Variants in RFX7 observed in about 807,000 individuals in gnomAD.
RFX7 encodes the protein regulatory factor X7.
RFX7 carries 26 observed loss-of-function variants against 111.8 expected under a neutral mutation model. The ratio of observed to expected loss-of-function variants is 0.23; its 90% CI spans 0.17 to 0.32. The LOEUF (loss-of-function observed/expected upper bound fraction) is 0.32. RFX7 is among the 10% of genes least tolerant of loss of function. The pLI, the probability that RFX7 is intolerant of heterozygous loss-of-function variation, is 1.00. For missense variants in RFX7, 1,573 were observed against 1,772.9 expected, an observed-to-expected ratio of 0.89 and a Z score of 2.02; for synonymous variants, 624 against 624.4, an observed-to-expected ratio of 1.00 and a Z score of 0.01.
At chr15:56,179,801 CA>C (rs2042947700) in intron 2 of RFX7, among the ~76,000 whole-genome samples, 1 of 121,548 alleles carries the variant, frequency 8.2e-6, no homozygotes, top group Non-Finnish European at 1.9e-5. Context: ...CACACACACA[CA>C]CACACACACA....
intron 2 of RFX7, among the ~76,000 whole-genome samples, chr15:56,215,019 C>T (rs1027902879): frequency 1.3e-5 from 2 of 152,160 alleles, no homozygotes; most frequent in African/African-American, 4.8e-5. Flanking sequence ...TTAACTACAA[C>T]TTTTTCACTA....
chr15:56,134,849 G>A (rs1476135960), intron 5 of RFX7, among the ~76,000 whole-genome samples: 1 of 151,942 alleles, frequency 6.6e-6, no homozygotes, highest in Non-Finnish European at 1.5e-5. Flanking sequence ...CCACCTATGA[G>A]TGAGAATATG....
intron 2 of RFX7, among the ~76,000 whole-genome samples, chr15:56,230,262 G>A (rs16976831): frequency 0.13 from 19,833 of 152,200 alleles, 1,696 homozygotes; most frequent in East Asian, 0.44. Context: ...TGAACCATGT[G>A]GTAGTCATCT....
chr15:56,094,882 G>A lies in RFX7; in HGVS notation c.2846C>T (p.Thr949Ile). ...HSNGTPIHTP[T>I]PTPTPTPTPT... Reference sequence around the variant, plus strand: ...AGTAGGAGTGGGTGTGGGTGTGGGTGTGGGTGTGTGGATTGGAGTGCCATT... The same window carrying A: ...AGTAGGAGTGGGTGTGGGTGTGGGTATGGGTGTGTGGATTGGAGTGCCATT... Residue 949 changes from threonine (T) to isoleucine (I), a missense_variant, in exon 10 of 10, where the codon ACA becomes ATA. Thr to Ile is a moderately conservative substitution (Grantham distance 89, BLOSUM62 -1). This residue lies in a region of RFX7 where 625 missense variants were observed against 632.2 expected (regional missense o/e 0.99). Coordinates refer to ENST00000559447, the MANE Select transcript of RFX7 (RefSeq NM_022841.7). 1 of 1,558,898 alleles carries A rather than the reference G, an allele frequency of 6.4e-7. No individual in the cohort carries two copies. Among genetic ancestry groups the A allele is most frequent in the Non-Finnish European group, 8.7e-7 (1 of 1,151,814 alleles).
At chr15:56,206,347 T>C (rs1359137699) in intron 2 of RFX7, among the ~76,000 whole-genome samples, 2 of 151,924 alleles carry the variant, frequency 1.3e-5, no homozygotes, top group African/African-American at 4.8e-5. Context: ...AGAAAAACAA[T>C]AACAAATGCT....
chr15:56,147,110 G>T (rs749326040), intron 3 of RFX7, among the ~76,000 whole-genome samples: 1 of 152,044 alleles, frequency 6.6e-6, no homozygotes, highest in African/African-American at 2.4e-5. Flanking sequence ...AGAATTAAAA[G>T]TTTTCTGTTC....
At chr15:56,208,417 T>A (rs1343809270) in intron 2 of RFX7, among the ~76,000 whole-genome samples, 7 of 152,092 alleles carry the variant, frequency 4.6e-5, no homozygotes, top group African/African-American at 1.7e-4. Flanking sequence ...CAAGATAACA[T>A]TATAGAATGC....
intron 3 of RFX7, among the ~76,000 whole-genome samples, chr15:56,176,820 T>G (rs1207311754): frequency 1.3e-5 from 2 of 152,054 alleles, no homozygotes; most frequent in African/African-American, 2.4e-5. Context: ...AATCTTCCAT[T>G]GCCATCATCT....
chr15:56,098,202 G>C lies in RFX7; in HGVS notation c.986C>G (p.Ala329Gly). 1 of 1,613,938 alleles carries C rather than the reference G, an allele frequency of 6.2e-7. No homozygotes were observed. The highest frequency in any genetic ancestry group is 1.6e-4 in the Middle Eastern group (1 of 6,062). The stretch of plus-strand genomic sequence containing the variant: ...TGTAGCACTTTCTGACTTTTTTGCT[G>C]CAGATTCTCCTGGCAAAGGGGATTG... The part of the protein sequence containing the change: ...KLQSPLPGES[A>G]AKKSESATSN... The change falls in exon 9 of 10, where the codon GCA becomes GGA. Residue 329 changes from alanine to glycine, a missense_variant. Ala to Gly is a moderately conservative substitution (Grantham distance 60). Transcript: ENST00000559447.
chr15:56,095,461 A>G lies in RFX7; in HGVS notation c.2267T>C (p.Ile756Thr), dbSNP rs754497736. The G allele has an allele frequency of 3.1e-6, 5 of 1,612,276 alleles. No individual in the cohort carries two copies. Among genetic ancestry groups the G allele is most frequent in the Admixed American group, 1.7e-5 (1 of 60,010 alleles). The change falls in exon 10 of 10, where the codon ATA becomes ACA. Residue 756 changes from isoleucine (I) to threonine (T), a missense_variant. Transcript: ENST00000559447. ...QQTTPSSSPD[I>T]KVKLEGSVFL... The stretch of plus-strand genomic sequence containing the variant: ...GACACTTCCTTCAAGTTTTACTTTT[A>G]TATCTGGAGATGATGATGGGGTTGT...
intron 4 of RFX7, 113 bp downstream of exon 4, chr15:56,144,288 A>C (rs565932587): frequency 6.4e-6 from 2 of 310,152 alleles, no homozygotes; most frequent in South Asian, 9.3e-5. Context: ...ATGTTTTCTA[A>C]TCATTTCAGG....
In RFX7 at chr15:56,094,756, T is replaced by C. The variant is rs753203278; in HGVS notation, c.2972A>G (p.Asp991Gly). 1.2e-6 allele frequency: 2 copies of C among 1,613,282 alleles called. No individual in the cohort carries two copies. Among genetic ancestry groups the C allele is most frequent in the South Asian group, 1.1e-5 (1 of 90,936 alleles). ...ATGTCGGCTACTTCCTAAAGCACTA[T>C]CCACAGGTGTAGTCTGGGCTAGCCT... The part of the protein sequence containing the change: ...CSRLAQTTPV[D>G]SALGSSRHTP... The change falls in exon 10 of 10, where the codon GAT becomes GGT. Residue 991 changes from aspartate to glycine, a missense_variant. Transcript: ENST00000559447.
In RFX7 at chr15:56,089,963, C is replaced by A. The variant is rs2041575980; in HGVS notation, c.*3382G>T. 6.6e-6 allele frequency: 1 copy of A among 152,144 alleles called. No homozygotes were observed. The allele number at this position is 152,144 out of a possible 1,614,324, so 9.4% of individuals were successfully genotyped here. On this transcript the variant is annotated 3_prime_UTR_variant, in exon 10 of 10. Transcript: ENST00000559447. ...TGTCTACAATATATAGTCCCTGGCACTGGTTGTTGTTGCTTCTCAGTTTCA... is the reference window on the plus strand; with the variant it reads ...TGTCTACAATATATAGTCCCTGGCAATGGTTGTTGTTGCTTCTCAGTTTCA...
chr15:56,241,273 C>G (rs553169671), intron 2 of RFX7, among the ~76,000 whole-genome samples: 1 of 151,928 alleles, frequency 6.6e-6, no homozygotes, highest in Admixed American at 6.6e-5. Context: ...AATGGATGTG[C>G]CAATATAAAA....
intron 5 of RFX7, among the ~76,000 whole-genome samples, chr15:56,130,182 G>T (rs2077010928): frequency 6.6e-6 from 1 of 152,004 alleles, no homozygotes; most frequent in Non-Finnish European, 1.5e-5. Context: ...CAGACAAAAA[G>T]AATTTTTTAC....
At chr15:56,125,266 ATTTT>A (rs2042128156) in intron 5 of RFX7, among the ~76,000 whole-genome samples, 1 of 152,136 alleles carries the variant, frequency 6.6e-6, no homozygotes, top group Admixed American at 6.5e-5. Context: ...TTTGCAGTAT[ATTTT>A]GAAGTCTGGT....
At chr15:56,151,567 C>T (rs1386611530) in intron 3 of RFX7, among the ~76,000 whole-genome samples, 1 of 152,132 alleles carries the variant, frequency 6.6e-6, no homozygotes, top group Non-Finnish European at 1.5e-5. Flanking sequence ...AAGCACTAAA[C>T]ATGGAAAGGA....
intron 5 of RFX7, among the ~76,000 whole-genome samples, chr15:56,109,492 T>C (rs2041879869): frequency 6.6e-6 from 1 of 151,822 alleles, no homozygotes; most frequent in Non-Finnish European, 1.5e-5. Context: ...GAGGAGCGTC[T>C]CTGCCTGGCC....
At position 56,088,628 on chromosome 15, in the gene RFX7, T is replaced by C. The variant is rs1481615155; in HGVS notation, c.*4717A>G. 1 of 152,208 alleles carries C rather than the reference T, an allele frequency of 6.6e-6. No individual in the cohort carries two copies. Among genetic ancestry groups the C allele is most frequent in the African/African-American group, 2.4e-5 (1 of 41,468 alleles). The allele number at this position is 152,208 out of a possible 1,614,324, so 9.4% of individuals were successfully genotyped here. On this transcript the variant is annotated 3_prime_UTR_variant, in exon 10 of 10. Transcript: ENST00000559447. ...CAATATTAATAAGTGATCCCATCCA[T>C]AAATTTATAACTTTAATTATTTAAA...
Sources: allele counts gnomAD v4.1 joint callset (sites outside exome capture counted in the v4.1 genomes callset), GRCh38; gene constraint gnomAD v4.1.1; regional missense constraint gnomAD v4.1.1; transcripts MANE v1.5; gene names NCBI Gene and HGNC (gene_info 2026-07-23, HGNC 2026-07-21).